The following NCAPH2 variants were observed in gnomAD, a reference collection of about 807,000 sequenced individuals.
The protein encoded by NCAPH2 is condensin-2 complex subunit H2.
Under a neutral mutation model 88.6 loss-of-function variants are expected in NCAPH2, and 56 were observed. The ratio of observed to expected loss-of-function variants is 0.63; its 90% CI spans 0.51 to 0.79. The LOEUF is 0.79. Ranked by LOEUF, NCAPH2 falls within the 30% of genes least tolerant of loss-of-function variation. The pLI, the probability that NCAPH2 is intolerant of heterozygous loss-of-function variation, is 0.00. For missense variants in NCAPH2, 794 were observed against 792.0 expected (o/e 1.00, Z -0.03); for synonymous variants, 378 against 313.6 (o/e 1.21, Z -2.17).
At position 50,517,786 on chromosome 22, in the gene NCAPH2, C is replaced by T; in HGVS notation, c.397C>T (p.Leu133Phe). The T allele has an allele frequency of 1.2e-6, 2 of 1,613,944 alleles. No homozygotes were observed. Among genetic ancestry groups the T allele is most frequent in the Non-Finnish European group, 1.7e-6 (2 of 1,180,014 alleles). The change falls in exon 5 of 20, where the codon CTC (leucine) becomes TTC (phenylalanine). Residue 133 changes from leucine to phenylalanine, a missense_variant. Around this residue, in one of 2 missense-constraint regions of NCAPH2, gnomAD observed 735 missense variants for 696.3 expected, o/e 1.06. Transcript: ENST00000420993. ...DFPDSRTNVDLKNDQTPSEVL... is the reference protein window; with the variant it reads ...DFPDSRTNVDFKNDQTPSEVL... Reference sequence around the variant, plus strand: ...CCCTGACTCCCGGACTAACGTGGATCTCAAGAATGATCAGACGCCCAGTGT... The same window carrying T: ...CCCTGACTCCCGGACTAACGTGGATTTCAAGAATGATCAGACGCCCAGTGT...
rs567212872 is a variant in NCAPH2, at chr22:50,523,084, A to G, written c.1595A>G (p.Asn532Ser). Reference protein sequence around the residue: ...DQLVSRFPQLNEWCPFAELVA... With the variant: ...DQLVSRFPQLSEWCPFAELVA... ...CTGGTCTCACGGTTCCCCCAGCTCAATGAGTGGTGTCCCTTTGCGGAGCTG... is the reference window on the plus strand; with the variant it reads ...CTGGTCTCACGGTTCCCCCAGCTCAGTGAGTGGTGTCCCTTTGCGGAGCTG... Residue 532 changes from asparagine to serine, a missense_variant, in exon 19 of 20, where the codon AAT becomes AGT. Physicochemically the swap from Asn to Ser is conservative, Grantham distance 46 (BLOSUM62 1). Transcript: ENST00000420993. The G allele has an allele frequency of 1.0e-4, 165 of 1,611,712 alleles. No individual in the cohort carries two copies. The highest frequency in any genetic ancestry group is 1.6e-4 in the Middle Eastern group (1 of 6,074).
In NCAPH2 at chr22:50,515,663, T is replaced by C. The variant is rs928024765; in HGVS notation, c.109-784T>C. The stretch of plus-strand genomic sequence containing the variant: ...TGCCCGCCTCGGCCTCCCAAAGTGC[T>C]GGGATTACAGGTGTGAGCCACCGCA... On this transcript the variant is annotated intron_variant, in intron 1 of 19. Coordinates refer to ENST00000420993, the MANE Select transcript of NCAPH2 (RefSeq NM_152299.4). The C allele has an allele frequency of 4.8e-6, 6 of 1,239,180 alleles. No homozygotes were observed. In the African/African-American group the frequency reaches 8.0e-5, roughly 16 times the overall value. 76.8% of individuals were successfully genotyped at this position (1,239,180 alleles called of 1,614,324 possible).
At chr22:50,510,530 C>T (rs1296485167) in intron 1 of NCAPH2, among the ~76,000 whole-genome samples, 4 of 151,684 alleles carry the variant, frequency 2.6e-5, no homozygotes, top group African/African-American at 9.7e-5. Flanking sequence ...CAGGTTCAAG[C>T]AATTCTCCTG....
At chr22:50,515,619 A>C (rs920079121) in intron 1 of NCAPH2, 1 of 868,066 alleles carries the variant, frequency 1.2e-6, no homozygotes, top group East Asian at 6.5e-5. Flanking sequence ...GATGGTCTCG[A>C]TCTCCTGACC....
At chr22:50,521,520 G>A (rs200494238) in intron 10 of NCAPH2, 23 bp from the exon 11 acceptor site, 67 of 1,612,872 alleles carry the variant, frequency 4.2e-5, no homozygotes, top group Admixed American at 4.0e-4. Flanking sequence ...CTTCTCCAGC[G>A]CCTTCTTGTG....
In NCAPH2 at chr22:50,518,128, C is replaced by T. The variant is rs770050043; in HGVS notation, c.501-5C>T. 9 of 1,613,734 alleles carry T rather than the reference C, an allele frequency of 5.6e-6. No individual in the cohort carries two copies. Among genetic ancestry groups the T allele is most frequent in the Non-Finnish European group, 6.8e-6 (8 of 1,179,884 alleles). The stretch of plus-strand genomic sequence containing the variant: ...TCTACAGCAGGCGTGTTTTTGCCAG[C>T]ACAGCCGTCAGGGTGAGGTCCTGGC... On this transcript the variant is annotated splice_polypyrimidine_tract_variant and splice_region_variant and intron_variant, in intron 6 of 19. Transcript: ENST00000420993.
At chr22:50,520,806 G>A (rs1418188183) in intron 9 of NCAPH2, 159 bp from the exon 10 acceptor site, 10 of 712,764 alleles carry the variant, frequency 1.4e-5, no homozygotes, top group Non-Finnish European at 2.0e-5. Flanking sequence ...CGGGTGATCT[G>A]CCCGCCTTGG....
At chr22:50,512,068 G>C (rs1481542243) in intron 1 of NCAPH2, among the ~76,000 whole-genome samples, 1 of 152,224 alleles carries the variant, frequency 6.6e-6, no homozygotes, top group Admixed American at 6.5e-5. Context: ...TTGCAGGTGT[G>C]AGCCACTGCG....
intron 2 of NCAPH2, 93 bp downstream of exon 2, chr22:50,516,641 C>T: frequency 9.3e-7 from 1 of 1,076,200 alleles, no homozygotes; most frequent in Non-Finnish European, 1.4e-6. Context: ...GTCGTCCCGT[C>T]TGTGACCTAC....
chr22:50,517,862 G>T (rs1028505988), intron 5 of NCAPH2, 53 bp downstream of exon 5: 5 of 1,607,338 alleles, frequency 3.1e-6, no homozygotes, highest in Non-Finnish European at 4.3e-6. Context: ...CACTTTCCCT[G>T]GGGCTGTGTT....
chr22:50,520,819 T>G, intron 9 of NCAPH2, 146 bp from the exon 10 acceptor site: 1 of 865,424 alleles, frequency 1.2e-6, no homozygotes, highest in Non-Finnish European at 1.7e-6. Context: ...CGCCTTGGCC[T>G]CCCAAAGTGC....
intron 9 of NCAPH2, chr22:50,520,750 C>CG: frequency 3.8e-6 from 2 of 523,272 alleles, no homozygotes; most frequent in Non-Finnish European, 6.8e-6. Flanking sequence ...TTAGTAGAGG[C>CG]GGGGGTTTCA....
rs367618502 is a variant in NCAPH2 at position 50,519,208 on chromosome 22, C to G, written c.749C>G (p.Pro250Arg). 12 of 1,610,116 alleles carry G rather than the reference C, an allele frequency of 7.5e-6. No individual in the cohort carries two copies. The highest frequency in any genetic ancestry group is 9.3e-6 in the Non-Finnish European group (11 of 1,178,902). Residue 250 changes from proline (P) to arginine (R), a missense_variant, in exon 9 of 20, where the codon CCG becomes CGG. By Grantham distance (103) the Pro-to-Arg change is moderately radical. Around this residue, in one of 2 missense-constraint regions of NCAPH2, gnomAD observed 735 missense variants for 696.3 expected, o/e 1.06. Coordinates refer to ENST00000420993, the MANE Select transcript of NCAPH2 (RefSeq NM_152299.4). ...SQEPGPSPEG[P>R]MPLGGGEDED... ...TGCCTAGGCCCCTCTCCAGAAGGCC[C>G]GATGCCCCTGGGTGGGGGCGAGGAC...
At chr22:50,513,426 C>T (rs905278914) in intron 1 of NCAPH2, among the ~76,000 whole-genome samples, 1 of 151,080 alleles carries the variant, frequency 6.6e-6, no homozygotes, top group Non-Finnish European at 1.5e-5. Flanking sequence ...CGCCTGTGAT[C>T]CCAGCACTTA....
rs1223771110 is a variant in NCAPH2 at position 50,516,427 on chromosome 22, CTT to C, written c.109-18_109-17del. 4 of 1,612,800 alleles carry C rather than the reference CTT, an allele frequency of 2.5e-6. No homozygotes were observed. Among genetic ancestry groups the C allele is most frequent in the Non-Finnish European group, 3.4e-6 (4 of 1,178,960 alleles). Reference sequence around the variant, plus strand: ...AGACTGGGCCTTGGATTCCCCCTGTCTTTGTGTTGTTTCTTGCAGCTGGATCA... The same window carrying C: ...AGACTGGGCCTTGGATTCCCCCTGTCTGTGTTGTTTCTTGCAGCTGGATCA... On this transcript the variant is annotated intron_variant, in intron 1 of 19. Transcript: ENST00000420993.
Position 50,523,687 on chromosome 22 carries a change from C to A in NCAPH2, c.*312C>A. ...GATCTGCTCAGCCGATCTGCTCCGG[C>A]CGTAGTAATCCGTGAAGAGGCCGTC... On this transcript the variant is annotated 3_prime_UTR_variant, in exon 20 of 20. Coordinates refer to ENST00000420993, the MANE Select transcript of NCAPH2 (RefSeq NM_152299.4). The A allele has an allele frequency of 6.2e-7, 1 of 1,614,158 alleles. No individual in the cohort carries two copies. Among genetic ancestry groups the A allele is most frequent in the Non-Finnish European group, 8.5e-7 (1 of 1,180,048 alleles).
chr22:50,522,478 T>C lies in NCAPH2; in HGVS notation c.1307-23T>C, dbSNP rs757749596. 3 of 1,613,468 alleles carry C rather than the reference T, an allele frequency of 1.9e-6. No homozygotes were observed. In the African/African-American group the frequency reaches 4.0e-5, roughly 22 times the overall value. ...CTGCCGACTAGCTGCCTGCGTGCTG[T>C]TCACTCTCCCACCTCCCAGCAGATG... On this transcript the variant is annotated intron_variant, in intron 15 of 19. Coordinates refer to ENST00000420993, the MANE Select transcript of NCAPH2 (RefSeq NM_152299.4).
rs746768265 is a variant in NCAPH2 at position 50,522,710 on chromosome 22, G to A, written c.1415G>A (p.Arg472Gln). 1.3e-5 allele frequency: 21 copies of A among 1,613,474 alleles called. No homozygotes were observed. Among genetic ancestry groups the A allele is most frequent in the Admixed American group, 5.0e-5 (3 of 59,978 alleles). ...TCCCTGAGCTACGAGGAGCTGGTTC[G>A]AAGGAATGTGGTAGGCCTGGGTTAG... is the stretch of plus-strand genomic sequence containing the variant. ...PMSLSYEELVRRNVELFIATS... is the reference protein window; with the variant it reads ...PMSLSYEELVQRNVELFIATS... Residue 472 changes from arginine (R) to glutamine (Q), a missense_variant, in exon 17 of 20, where the codon CGA becomes CAA. Coordinates refer to ENST00000420993, the MANE Select transcript of NCAPH2 (RefSeq NM_152299.4).
Position 50,516,481 on chromosome 22 carries a change from A to G in NCAPH2, c.143A>G (p.Lys48Arg), listed in dbSNP as rs2068926965. 3 of 1,614,124 alleles carry G rather than the reference A, an allele frequency of 1.9e-6. No individual in the cohort carries two copies. The highest frequency in any genetic ancestry group is 1.3e-5 in the African/African-American group (1 of 74,948). ...ATCTGCATTTCTTTTGACGAAGGCAAGACCACAATGAACTTCATTGAGGCA... is the reference window on the plus strand; with the variant it reads ...ATCTGCATTTCTTTTGACGAAGGCAGGACCACAATGAACTTCATTGAGGCA... ...DQICISFDEG[K>R]TTMNFIEAAL... Residue 48 changes from lysine (K) to arginine (R), a missense_variant, in exon 2 of 20, where the codon AAG (lysine) becomes AGG (arginine). This residue lies in a region of NCAPH2 where 59 missense variants were observed against 95.7 expected (regional missense o/e 0.62). Coordinates refer to ENST00000420993, the MANE Select transcript of NCAPH2 (RefSeq NM_152299.4).
Sources: gnomAD v4.1 joint callset for allele counts (sites outside exome capture counted in the v4.1 genomes callset) on GRCh38, gnomAD v4.1.1 for gene constraint, gnomAD v4.1.1 regional missense constraint, MANE v1.5 for transcripts, NCBI Gene and HGNC (gene_info 2026-07-23, HGNC 2026-07-21) for gene names.